The following NKTR variants were observed in gnomAD, a reference collection of about 807,000 sequenced individuals.
The protein encoded by NKTR is natural killer cell triggering receptor.
NKTR carries 67 observed loss-of-function variants against 156.3 expected under a neutral mutation model. The ratio of observed to expected loss-of-function variants is 0.43; its 90% CI spans 0.35 to 0.53. The LOEUF (loss-of-function observed/expected upper bound fraction) is 0.53, where lower values mean the gene tolerates loss of function less well. Ranked by LOEUF, NKTR falls within the 20% of genes least tolerant of loss-of-function variation. The probability of loss-of-function intolerance (pLI) is 0.01; values close to 1 mark genes in which losing one functional copy is unlikely to be tolerated. For synonymous variants in NKTR, 640 were observed against 596.6 expected (o/e 1.07, Z -1.06); for missense variants, 1,604 against 1,730.9 (o/e 0.93, Z 1.30).
chr3:42,608,582 A>ATG (rs1393824322), intron 2 of NKTR, among the ~76,000 whole-genome samples: 1 of 152,126 alleles, frequency 6.6e-6, no homozygotes, highest in Non-Finnish European at 1.5e-5. Flanking sequence ...CTAAAAATAT[A>ATG]TGTATGTATG....
chr3:42,633,689 T>C lies in NKTR; in HGVS notation c.883T>C (p.Phe295Leu). Reference sequence around the variant, plus strand: ...GATTCCTCCAGTGCCTGAGAACCGATTTTTACTGAGAAGAGATATGCCTGT... The same window carrying C: ...GATTCCTCCAGTGCCTGAGAACCGACTTTTACTGAGAAGAGATATGCCTGT... Reference protein sequence around the residue: ...EEIPPVPENRFLLRRDMPVVT... With the variant: ...EEIPPVPENRLLLRRDMPVVT... Residue 295 changes from phenylalanine to leucine, a missense_variant, in exon 10 of 17, where the codon TTT (phenylalanine) becomes CTT (leucine). Phe to Leu is a conservative substitution (Grantham distance 22, BLOSUM62 0). Transcript: ENST00000232978. 6.2e-7 allele frequency: 1 copy of C among 1,614,078 alleles called. No individual in the cohort carries two copies. The highest frequency in any genetic ancestry group is 1.3e-5 in the African/African-American group (1 of 75,044).
chr3:42,630,277 C>A (rs1350809947), intron 6 of NKTR: 1 of 1,189,708 alleles, frequency 8.4e-7, no homozygotes, highest in Non-Finnish European at 1.0e-6. Context: ...TTTATGGCTA[C>A]AAGTCAAACT....
At chr3:42,645,848 C>A in intron 16 of NKTR, 40 bp from the exon 17 acceptor site, 2 of 1,396,554 alleles carry the variant, frequency 1.4e-6, no homozygotes, top group Middle Eastern at 1.8e-4. Flanking sequence ...AAAGATTTTA[C>A]AGTTACAAGA....
intron 5 of NKTR, chr3:42,620,038 G>T (rs1707758133): frequency 6.5e-7 from 1 of 1,534,474 alleles, no homozygotes; most frequent in Non-Finnish European, 8.7e-7. Flanking sequence ...TTTGCAAAAT[G>T]AAAAGGTAAG....
At chr3:42,626,980 C>T (rs997395550) in intron 6 of NKTR, among the ~76,000 whole-genome samples, 2 of 152,012 alleles carry the variant, frequency 1.3e-5, no homozygotes, top group African/African-American at 4.8e-5. Flanking sequence ...AAATAGATTC[C>T]CACTTAGCCA....
chr3:42,629,611 A>G (rs543792763), intron 6 of NKTR: 335 of 980,296 alleles, frequency 3.4e-4, no homozygotes, highest in Non-Finnish European at 3.9e-4. Context: ...CTCTCTTTCA[A>G]ATTTCTGTTT....
Position 42,634,632 on chromosome 3 carries a change from C to T in NKTR, c.949C>T (p.Pro317Ser). The T allele has an allele frequency of 1.9e-6, 3 of 1,584,734 alleles. No individual in the cohort carries two copies. The highest frequency in any genetic ancestry group is 1.7e-6 in the Non-Finnish European group (2 of 1,163,530). ...TCCTAGGAAGATTCCTGATGTTGCA[C>T]CCATTGTAAGTGATCAGAAACCATC... ...EPEPKIPDVA[P>S]IVSDQKPSVS... is the part of the protein sequence containing the mutation. The change falls in exon 11 of 17, where the codon CCC (proline) becomes TCC (serine). Residue 317 changes from proline (P) to serine (S), a missense_variant. Coordinates refer to ENST00000232978, the MANE Select transcript of NKTR (RefSeq NM_005385.4).
intron 2 of NKTR, among the ~76,000 whole-genome samples, chr3:42,610,568 C>T (rs1275956282): frequency 3.3e-5 from 5 of 149,580 alleles, no homozygotes; most frequent in African/African-American, 4.9e-5. Flanking sequence ...TGAATTTCAC[C>T]GTGCACTTTT....
intron 12 of NKTR, 69 bp downstream of exon 12, chr3:42,635,435 A>G (rs565934169): frequency 5.0e-6 from 6 of 1,206,736 alleles, no homozygotes; most frequent in Non-Finnish European, 6.9e-6. Context: ...ATTGGATACA[A>G]TTCTGGACTT....
chr3:42,635,814 A>G (rs1331486679), intron 12 of NKTR, among the ~76,000 whole-genome samples: 8 of 152,036 alleles, frequency 5.3e-5, no homozygotes, highest in Admixed American at 5.2e-4. Context: ...AGGCTGAGGC[A>G]GGAGAATGGT....
intron 6 of NKTR, chr3:42,629,434 A>G (rs1435806044): frequency 2.1e-6 from 2 of 950,688 alleles, no homozygotes; most frequent in African/African-American, 3.5e-5. Flanking sequence ...TATAAGCATT[A>G]CAAATCCTTG....
At position 42,638,376 on chromosome 3, in the gene NKTR, C is replaced by G. The variant is rs1345778114; in HGVS notation, c.2672C>G (p.Ser891Ter). ...AGSKWDSESN[S>*]ERDVTKNSKN... Reference sequence around the variant, plus strand: ...AGTAAATGGGACTCTGAGTCAAATTCAGAACGAGATGTCACTAAAAACAGT... The same window carrying G: ...AGTAAATGGGACTCTGAGTCAAATTGAGAACGAGATGTCACTAAAAACAGT... The change falls in exon 13 of 17, where the codon TCA (serine) becomes TGA (stop). Residue 891 changes from serine (S) to a stop codon, truncating the protein, a stop_gained. Transcript: ENST00000232978. LOFTEE classifies it high-confidence loss of function. The G allele has an allele frequency of 6.2e-7, 1 of 1,613,924 alleles. No homozygotes were observed. The highest frequency in any genetic ancestry group is 8.5e-7 in the Non-Finnish European group (1 of 1,179,968).
At position 42,638,255 on chromosome 3, in the gene NKTR, C is replaced by G. The variant is rs371760266; in HGVS notation, c.2551C>G (p.Arg851Gly). 45 of 1,609,908 alleles carry G rather than the reference C, an allele frequency of 2.8e-5. No homozygotes were observed. Among genetic ancestry groups the G allele is most frequent in the South Asian group, 2.8e-4 (25 of 90,294 alleles). ...AGGTGAAGAAAAATCCAAGTCTGAA[C>G]GGGAATGCCCTCATTCAAAAAAAAG... ...NRGEEKSKSE[R>G]ECPHSKKRTL... Residue 851 changes from arginine to glycine, a missense_variant, in exon 13 of 17, where the codon CGG (arginine) becomes GGG (glycine). Physicochemically the swap from Arg to Gly is moderately radical, Grantham distance 125. Transcript: ENST00000232978.
At chr3:42,629,346 ACTT>A (rs1421404894) in intron 6 of NKTR, 74 of 948,900 alleles carry the variant, frequency 7.8e-5, no homozygotes, top group East Asian at 5.8e-4. Flanking sequence ...AAATTCTGGA[ACTT>A]CTTAAGTTGA....
intron 6 of NKTR, among the ~76,000 whole-genome samples, chr3:42,625,420 G>A (rs950199842): frequency 6.7e-6 from 1 of 149,202 alleles, no homozygotes; most frequent in African/African-American, 2.5e-5. Context: ...GTCATAAATA[G>A]GGCAATGGGG....
chr3:42,603,759 G>A (rs1005628230), intron 2 of NKTR, among the ~76,000 whole-genome samples: 30 of 134,440 alleles, frequency 2.2e-4, no homozygotes, highest in African/African-American at 4.6e-4. Flanking sequence ...TTTTTGAGGC[G>A]AAGTCTCACT....
intron 13 of NKTR, among the ~76,000 whole-genome samples, chr3:42,641,430 A>G (rs1709874760): frequency 6.6e-6 from 1 of 152,182 alleles, no homozygotes; most frequent in Non-Finnish European, 1.5e-5. Context: ...GACAGGCCTA[A>G]AGTAGGGGAG....
rs895677016 is a variant in NKTR, at chr3:42,646,121, G to A, written c.*146G>A. On this transcript the variant is annotated 3_prime_UTR_variant, in exon 17 of 17. Coordinates refer to ENST00000232978, the MANE Select transcript of NKTR (RefSeq NM_005385.4). ...TTAATTGTTACTGGTTCATTTACATGTGGGGAGAAGAATTTAAAATACAGA... is the reference window on the plus strand; with the variant it reads ...TTAATTGTTACTGGTTCATTTACATATGGGGAGAAGAATTTAAAATACAGA... 4.0e-5 allele frequency: 20 copies of A among 504,176 alleles called. No homozygotes were observed. The highest frequency in any genetic ancestry group is 4.0e-5 in the Non-Finnish European group (11 of 277,680). 31.2% of individuals were successfully genotyped at this position (504,176 alleles called of 1,614,324 possible). A position where few individuals can be genotyped will look rare whatever the true frequency, so the allele number is the denominator to read the frequency against.
chr3:42,615,033 T>G (rs1032401263), intron 2 of NKTR, among the ~76,000 whole-genome samples: 2 of 152,040 alleles, frequency 1.3e-5, no homozygotes, highest in African/African-American at 4.8e-5. Context: ...CTTTTTTTTT[T>G]GCTCCAGGCT....
Sources: gnomAD v4.1 joint callset for allele counts (sites outside exome capture counted in the v4.1 genomes callset) on GRCh38, gnomAD v4.1.1 for gene constraint, MANE v1.5 for transcripts, NCBI Gene and HGNC (gene_info 2026-07-23, HGNC 2026-07-21) for gene names.